The following SND1 variants were observed in gnomAD, a reference collection of about 807,000 sequenced individuals.
The protein encoded by SND1 is staphylococcal nuclease and tudor domain containing 1, also known as staphylococcal nuclease domain-containing protein 1.
In SND1, 38 loss-of-function variants were observed where a neutral mutation model predicts 121.7. The ratio of observed to expected loss-of-function variants is 0.31; its 90% CI spans 0.24 to 0.41. The LOEUF (loss-of-function observed/expected upper bound fraction) is 0.41. Ranked by LOEUF, SND1 falls within the 10% of genes least tolerant of loss-of-function variation. The pLI, the probability that SND1 is intolerant of heterozygous loss-of-function variation, is 1.00. For missense variants in SND1, 868 were observed against 1,184.6 expected (o/e 0.73, Z 3.92); for synonymous variants, 401 against 447.4 (o/e 0.90, Z 1.31).
chr7:127,781,398 C>T (rs988828102), intron 10 of SND1, among the ~76,000 whole-genome samples: 10 of 151,962 alleles, frequency 6.6e-5, no homozygotes, highest in African/African-American at 2.4e-4. Context: ...CTTCATTATA[C>T]TAATATATAT....
intron 11 of SND1, among the ~76,000 whole-genome samples, chr7:127,833,432 T>G (rs1256873954): frequency 6.6e-6 from 1 of 151,914 alleles, no homozygotes; most frequent in African/African-American, 2.4e-5. Context: ...GCCTGGCTAA[T>G]TTTTGTATTT....
intron 16 of SND1, among the ~76,000 whole-genome samples, chr7:128,035,047 T>C (rs1020689025): frequency 6.6e-6 from 1 of 152,172 alleles, no homozygotes; most frequent in Non-Finnish European, 1.5e-5. Context: ...GGGAGACTGC[T>C]GTGATAACGC....
At chr7:127,786,086 T>C (rs1449431918) in intron 10 of SND1, among the ~76,000 whole-genome samples, 1 of 152,152 alleles carries the variant, frequency 6.6e-6, no homozygotes, top group African/African-American at 2.4e-5. Context: ...ATGTGATTTG[T>C]TGACATCCTT....
At chr7:127,804,742 T>A (rs370169969) in intron 10 of SND1, among the ~76,000 whole-genome samples, 19 of 147,374 alleles carry the variant, frequency 1.3e-4, no homozygotes, top group African/African-American at 4.3e-4. Context: ...CCCATATCTT[T>A]AAAAAAAAAA....
intron 16 of SND1, among the ~76,000 whole-genome samples, chr7:127,994,574 A>C (rs1019932310): frequency 3.4e-5 from 5 of 146,448 alleles, no homozygotes; most frequent in Non-Finnish European, 7.6e-5. Context: ...AAAAAAAAAA[A>C]AAAAAAAAAA....
In SND1 at chr7:128,074,650, T is replaced by C. The variant is rs1488173626; in HGVS notation, c.1928T>C (p.Leu643Pro). Reference protein sequence around the residue: ...TAERSSYYKSLLSAEEAAKQK... With the variant: ...TAERSSYYKSPLSAEEAAKQK... Reference sequence around the variant, plus strand: ...GAACGCAGCTCCTACTACAAGTCCCTGCTGTCTGCCGAGGAGGCCGCAAAG... The same window carrying C: ...GAACGCAGCTCCTACTACAAGTCCCCGCTGTCTGCCGAGGAGGCCGCAAAG... Residue 643 changes from leucine (L) to proline (P), a missense_variant, in exon 17 of 24, where the codon CTG (leucine) becomes CCG (proline). Transcript: ENST00000354725. 1 of 1,613,578 alleles carries C rather than the reference T, an allele frequency of 6.2e-7. No homozygotes were observed.
chr7:128,005,150 C>CA (rs1267625419), intron 16 of SND1, among the ~76,000 whole-genome samples: 1 of 152,178 alleles, frequency 6.6e-6, no homozygotes, highest in Non-Finnish European at 1.5e-5. Flanking sequence ...GTGACAACTT[C>CA]AAAAATTCAT....
intron 12 of SND1, among the ~76,000 whole-genome samples, chr7:127,851,702 T>C (rs1321952781): frequency 6.6e-6 from 1 of 152,234 alleles, no homozygotes; most frequent in Non-Finnish European, 1.5e-5. Flanking sequence ...CTTATAAAAT[T>C]TACAGACTAT....
Position 128,052,326 on chromosome 7 carries a change from G to C in SND1, c.1780-22176G>C, listed in dbSNP as rs559949545. On this transcript the variant is annotated intron_variant, in intron 16 of 23. Coordinates refer to ENST00000354725, the MANE Select transcript of SND1 (RefSeq NM_014390.4). This position sits in a 1 kb window ranked among gnomAD's most constrained non-coding sequence, Gnocchi z 4.6. Reference sequence around the variant, plus strand: ...CTTTAGCCTAATGCCCATCTCAGCTGTCTGGACAAGCTCCCATTCTGGCAG... The same window carrying C: ...CTTTAGCCTAATGCCCATCTCAGCTCTCTGGACAAGCTCCCATTCTGGCAG... Among the ~76,000 whole-genome samples, 3 of 152,168 alleles carry C rather than the reference G, an allele frequency of 2.0e-5. No individual in the cohort carries two copies. The highest frequency in any genetic ancestry group is 2.9e-5 in the Non-Finnish European group (2 of 68,012).
intron 16 of SND1, among the ~76,000 whole-genome samples, chr7:128,025,965 C>A (rs1173889179): frequency 6.6e-6 from 1 of 151,744 alleles, no homozygotes; most frequent in Non-Finnish European, 1.5e-5. Flanking sequence ...GCCACAGACC[C>A]TTAGTCATTG....
intron 16 of SND1, among the ~76,000 whole-genome samples, chr7:128,032,316 CCCTCCCCCCTCCCCGGGCCGCTT>C (rs1471308224): frequency 6.6e-6 from 1 of 151,126 alleles, no homozygotes; most frequent in African/African-American, 2.4e-5. Context: ...TCCCCCTCCC[CCCTCCCCCCTCCCCGGGCCGCTT>C]CCTCCCCGCC....
At chr7:127,979,355 A>G (rs557993123) in intron 15 of SND1, among the ~76,000 whole-genome samples, 29 of 152,344 alleles carry the variant, frequency 1.9e-4, no homozygotes, top group Middle Eastern at 6.8e-3. Context: ...AGCACACTTG[A>G]ACGAGGGAGG....
At chr7:127,662,736 C>T (rs1438967350) in intron 1 of SND1, among the ~76,000 whole-genome samples, 1 of 152,084 alleles carries the variant, frequency 6.6e-6, no homozygotes, top group African/African-American at 2.4e-5. Context: ...CTGTGGAGCG[C>T]AGGGCCCAGC....
intron 16 of SND1, chr7:128,031,717 G>A (rs1374106619): frequency 1.4e-5 from 2 of 144,198 alleles, no homozygotes; most frequent in South Asian, 2.1e-4. Context: ...CAGAGAGTCC[G>A]GGGGCGGGCG....
chr7:127,705,305 C>T (rs1167377425), intron 8 of SND1, among the ~76,000 whole-genome samples: 1 of 152,092 alleles, frequency 6.6e-6, no homozygotes, highest in Non-Finnish European at 1.5e-5. Context: ...ATTAGCTGCT[C>T]CCAAACAGAC....
At chr7:127,829,571 C>T (rs3824003) in intron 11 of SND1, among the ~76,000 whole-genome samples, 43,221 of 152,074 alleles carry the variant, frequency 0.28, 7,718 homozygotes, top group East Asian at 0.7. Context: ...CACACTTTCT[C>T]TTATTATTAA....
chr7:127,708,780 G>A (rs939380206), intron 9 of SND1, among the ~76,000 whole-genome samples: 1 of 152,154 alleles, frequency 6.6e-6, no homozygotes, highest in African/African-American at 2.4e-5. Flanking sequence ...ATGTTTTCCA[G>A]CCTATTTTTA....
At chr7:128,079,644 A>G (rs750699828) in intron 17 of SND1, among the ~76,000 whole-genome samples, 132 of 152,226 alleles carry the variant, frequency 8.7e-4, no homozygotes, top group Non-Finnish European at 1.4e-3. Context: ...GGAAGAACAC[A>G]CGCTCAGGCC....
chr7:128,006,219 A>G (rs1357615378), intron 16 of SND1, among the ~76,000 whole-genome samples: 1 of 151,766 alleles, frequency 6.6e-6, no homozygotes, highest in Non-Finnish European at 1.5e-5. Context: ...AGAAACAAGC[A>G]TGGGAAGGGT....
Sources: allele counts gnomAD v4.1 joint callset (sites outside exome capture counted in the v4.1 genomes callset), GRCh38; gene constraint gnomAD v4.1.1; non-coding constraint Gnocchi (gnomAD v3.1); transcripts MANE v1.5; gene names NCBI Gene and HGNC (gene_info 2026-07-23, HGNC 2026-07-21).